UNC5B: variants seen among roughly 807,000 people sequenced by gnomAD.
UNC5B encodes netrin receptor UNC5B.
A neutral mutation model predicts 103.7 loss-of-function variants in UNC5B; 56 were observed. That is an observed-to-expected ratio of 0.54 (90% CI 0.44 to 0.67). The LOEUF (loss-of-function observed/expected upper bound fraction) is 0.67. Among genes scored for constraint, UNC5B ranks in the 30% least tolerant of loss-of-function variants. The pLI is 0.00. For missense variants in UNC5B, 1,194 were observed against 1,284.5 expected (o/e 0.93, Z 1.08); for synonymous variants, 577 against 542.0 (o/e 1.06, Z -0.90).
chr10:71,219,205 C>G (rs1843401528), intron 1 of UNC5B, among the ~76,000 whole-genome samples: 1 of 151,954 alleles, frequency 6.6e-6, no homozygotes, highest in African/African-American at 2.4e-5. Context: ...GGTGGAAGCT[C>G]TCACTTAGAA....
chr10:71,255,030 T>A (rs1038431984), intron 1 of UNC5B, among the ~76,000 whole-genome samples: 21 of 152,242 alleles, frequency 1.4e-4, no homozygotes, highest in African/African-American at 5.1e-4. Flanking sequence ...TTTTATGATG[T>A]CATCACATAC....
intron 15 of UNC5B, 116 bp downstream of exon 15, chr10:71,296,858 G>A (rs1845443124): frequency 3.7e-6 from 2 of 542,700 alleles, no homozygotes; most frequent in South Asian, 4.3e-5. Context: ...GGAAGGGTGG[G>A]GCAGATATTC....
intron 1 of UNC5B, among the ~76,000 whole-genome samples, chr10:71,265,750 A>ACCTTC (rs1403585417): frequency 6.6e-6 from 1 of 151,934 alleles, no homozygotes; most frequent in African/African-American, 2.4e-5. Flanking sequence ...GACGGGCTCC[A>ACCTTC]CCTTCCCTGT....
rs756624737 is a variant in UNC5B at position 71,293,847 on chromosome 10, C to T, written c.2089C>T (p.Leu697=). The T allele has an allele frequency of 6.2e-7, 1 of 1,610,834 alleles. No individual in the cohort carries two copies. The change falls in exon 13 of 17, where the codon CTG becomes TTG. Residue 697 remains leucine (L), a synonymous_variant. Transcript: ENST00000335350. ...YSRSAVKRLQ[L]AVFAPALCTS... is the part of the protein sequence containing the mutation. ...CCGCTCAGCAGTCAAGCGGCTCCAG[C>T]TGGCCGTCTTCGCCCCCGCCCTCTG... is the stretch of plus-strand genomic sequence containing the variant.
At chr10:71,291,191 C>T in intron 9 of UNC5B, 82 bp downstream of exon 9, 1 of 1,484,036 alleles carries the variant, frequency 6.7e-7, no homozygotes, top group Non-Finnish European at 9.1e-7. Flanking sequence ...CAGAGCCAGG[C>T]TCCTGACTCC....
chr10:71,295,861 G>A lies in UNC5B; in HGVS notation c.2226G>A (p.Pro742=), dbSNP rs17546061. ...TGGGCGGATACTTGGTGGAGGAGCC[G>A]AAACCGCTAATGTTCAAGGACAGTT... ...RTLGGYLVEE[P]KPLMFKDSYH... is the part of the protein sequence containing the mutation. The change falls in exon 14 of 17, where the codon CCG becomes CCA. Residue 742 remains proline (P), a synonymous_variant. Coordinates refer to ENST00000335350, the MANE Select transcript of UNC5B (RefSeq NM_170744.5). The A allele has an allele frequency of 0.015, 24,040 of 1,613,114 alleles. 233 individuals are homozygous for A. The highest frequency in any genetic ancestry group is 0.017 in the Non-Finnish European group (20,449 of 1,179,990).
At position 71,299,463 on chromosome 10, in the gene UNC5B, T is replaced by C. The variant is rs1453133699; in HGVS notation, c.*186T>C. 2.8e-5 allele frequency: 19 copies of C among 673,080 alleles called. No homozygotes were observed. Among genetic ancestry groups the C allele is most frequent in the Non-Finnish European group, 4.6e-5 (19 of 409,336 alleles). 41.7% of individuals were successfully genotyped at this position (673,080 alleles called of 1,614,324 possible). On this transcript the variant is annotated 3_prime_UTR_variant, in exon 17 of 17. Transcript: ENST00000335350. ...TTAGAAAATCCATGTACTCTGTTGT[T>C]AGAGGGCCCAGAGTTCCTTCTCCAC... is the stretch of plus-strand genomic sequence containing the variant.
intron 1 of UNC5B, among the ~76,000 whole-genome samples, chr10:71,257,275 G>T (rs541626833): frequency 1.3e-5 from 2 of 152,220 alleles, no homozygotes; most frequent in African/African-American, 4.8e-5. Context: ...GCCTCTCTCT[G>T]TGTCTTCTTA....
chr10:71,265,235 A>G lies in UNC5B; in HGVS notation c.80-14586A>G, dbSNP rs150271869. ...CTCATTACCTGAATTACCTGCTAGCACTGAAGAGGTACTAAAGGGAAAGGT... is the reference window on the plus strand; with the variant it reads ...CTCATTACCTGAATTACCTGCTAGCGCTGAAGAGGTACTAAAGGGAAAGGT... On this transcript the variant is annotated intron_variant, in intron 1 of 16. Coordinates refer to ENST00000335350, the MANE Select transcript of UNC5B (RefSeq NM_170744.5). Among the ~76,000 whole-genome samples the G allele has an allele frequency of 4.4e-3, 672 of 152,294 alleles. 4 individuals carry two copies. The highest frequency in any genetic ancestry group is 0.014 in the African/African-American group (563 of 41,572).
At chr10:71,285,291 A>C (rs1845043329) in intron 3 of UNC5B, 35 bp from the exon 4 acceptor site, 1 of 1,578,036 alleles carries the variant, frequency 6.3e-7, no homozygotes, top group Non-Finnish European at 8.6e-7. Flanking sequence ...TCCTGCCCGC[A>C]CCTGACTGCC....
At chr10:71,276,957 C>T (rs531397570) in intron 1 of UNC5B, among the ~76,000 whole-genome samples, 50 of 152,364 alleles carry the variant, frequency 3.3e-4, no homozygotes, top group African/African-American at 1.1e-3. Flanking sequence ...AGAGGGGACA[C>T]TTGGCCTGCG....
chr10:71,220,563 A>G (rs1402503824), intron 1 of UNC5B, among the ~76,000 whole-genome samples: 5 of 152,186 alleles, frequency 3.3e-5, no homozygotes, highest in Non-Finnish European at 7.3e-5. Flanking sequence ...CAGCATTGTC[A>G]CTGACTAACT....
intron 1 of UNC5B, among the ~76,000 whole-genome samples, chr10:71,214,934 A>G (rs1005733779): frequency 1.3e-5 from 2 of 152,200 alleles, no homozygotes; most frequent in Non-Finnish European, 2.9e-5. Context: ...CAGCGAGCAG[A>G]AGCGGTGTTG....
intron 1 of UNC5B, among the ~76,000 whole-genome samples, chr10:71,235,478 G>A (rs1452044003): frequency 6.6e-6 from 1 of 152,246 alleles, no homozygotes; most frequent in Non-Finnish European, 1.5e-5. Context: ...CTGGGATGGG[G>A]ACAGAGGGTG....
At chr10:71,264,260 T>C (rs747117341) in intron 1 of UNC5B, among the ~76,000 whole-genome samples, 10 of 152,200 alleles carry the variant, frequency 6.6e-5, no homozygotes, top group Non-Finnish European at 7.3e-5. Flanking sequence ...GTAGAAGATA[T>C]AGGTATTAGC....
intron 13 of UNC5B, among the ~76,000 whole-genome samples, chr10:71,295,172 A>G (rs1050822742): frequency 6.6e-6 from 1 of 152,216 alleles, no homozygotes; most frequent in Admixed American, 6.5e-5. Flanking sequence ...CTGGCTTGAG[A>G]TGCCAGTGGC....
At chr10:71,219,117 T>C (rs532491014) in intron 1 of UNC5B, among the ~76,000 whole-genome samples, 1 of 152,224 alleles carries the variant, frequency 6.6e-6, no homozygotes, top group East Asian at 1.9e-4. Flanking sequence ...CCCACCCTGG[T>C]GTGCATGTTG....
chr10:71,290,945 A>G lies in UNC5B; in HGVS notation c.1130A>G (p.Tyr377Cys). 1 of 1,613,728 alleles carries G rather than the reference A, an allele frequency of 6.2e-7. No individual in the cohort carries two copies. The highest frequency in any genetic ancestry group is 1.1e-5 in the South Asian group (1 of 91,054). Residue 377 changes from tyrosine (Y) to cysteine (C), a missense_variant, in exon 9 of 17, where the codon TAT (tyrosine) becomes TGT (cysteine). Physicochemically the swap from Tyr to Cys is radical, Grantham distance 194. Transcript: ENST00000335350. ...LLEASGDAAL[Y>C]AGLVVAIFVV... ...GAGGCCTCAGGGGATGCGGCGCTGT[A>G]TGCGGGGCTCGTGGTGGCCATCTTC...
At position 71,285,442 on chromosome 10, in the gene UNC5B, G is replaced by T. The variant is rs371239753; in HGVS notation, c.552+13G>T. The T allele has an allele frequency of 6.4e-7, 1 of 1,574,190 alleles. No individual in the cohort carries two copies. Among genetic ancestry groups the T allele is most frequent in the Admixed American group, 1.8e-5 (1 of 54,734 alleles). ...GCCTGTGGCCGAGGTGAGCGGGGACGTAGGGACCACTGAGCACGGCCCTGT... is the reference window on the plus strand; with the variant it reads ...GCCTGTGGCCGAGGTGAGCGGGGACTTAGGGACCACTGAGCACGGCCCTGT... On this transcript the variant is annotated intron_variant, in intron 4 of 16. Coordinates refer to ENST00000335350, the MANE Select transcript of UNC5B (RefSeq NM_170744.5).
Sources: allele counts gnomAD v4.1 joint callset (sites outside exome capture counted in the v4.1 genomes callset), GRCh38; gene constraint gnomAD v4.1.1; transcripts MANE v1.5; gene names NCBI Gene and HGNC (gene_info 2026-07-23, HGNC 2026-07-21).